Variants in ROBO1 observed in about 807,000 individuals in gnomAD.
ROBO1 encodes the protein roundabout guidance receptor 1, also known as roundabout homolog 1.
A neutral mutation model predicts 195.9 loss-of-function variants in ROBO1; 149 were observed. The ratio of observed to expected loss-of-function variants is 0.76; its 90% confidence interval spans 0.67 to 0.87. The LOEUF (loss-of-function observed/expected upper bound fraction) is 0.87, where lower values mean the gene tolerates loss of function less well. Ranked by LOEUF, ROBO1 falls within the 40% of genes least tolerant of loss-of-function variation. The pLI is 0.00. For missense variants in ROBO1, 1,933 were observed against 2,068.3 expected (o/e 0.93, Z 1.27); for synonymous variants, 816 against 733.2 (o/e 1.11, Z -1.82).
rs1702893281 is a variant in ROBO1 at position 78,597,498 on chromosome 3, T to TG, written c.*1414dup. The TG allele has an allele frequency of 6.6e-6, 1 of 152,544 alleles. No individual in the cohort carries two copies. Among genetic ancestry groups the TG allele is most frequent in the Non-Finnish European group, 1.5e-5 (1 of 68,002 alleles). The allele number at this position is 152,544 out of a possible 1,614,324, so 9.4% of individuals were successfully genotyped here. Reference sequence around the variant, plus strand: ...AGTTTTGTTTGGCTTTGTTTTCCACTGGGGTCAGACCTGATACTTATCTAT... The same window carrying TG: ...AGTTTTGTTTGGCTTTGTTTTCCACTGGGGGTCAGACCTGATACTTATCTAT... On this transcript the variant is annotated 3_prime_UTR_variant, in exon 31 of 31. Coordinates refer to ENST00000464233, the MANE Select transcript of ROBO1 (RefSeq NM_002941.4).
chr3:79,485,818 C>T (rs930044654), intron 2 of ROBO1, among the ~76,000 whole-genome samples: 6 of 152,090 alleles, frequency 3.9e-5, no homozygotes, highest in South Asian at 2.1e-4. Flanking sequence ...CCTTACTGTC[C>T]GATTCTTTAT....
chr3:79,680,451 G>A (rs75493243), intron 1 of ROBO1, among the ~76,000 whole-genome samples: 1 of 152,050 alleles, frequency 6.6e-6, no homozygotes, highest in Non-Finnish European at 1.5e-5. Flanking sequence ...GAGTGAAGAA[G>A]TGGTATGAGT....
chr3:78,943,028 C>T (rs771702187), intron 3 of ROBO1, among the ~76,000 whole-genome samples: 10 of 151,914 alleles, frequency 6.6e-5, no homozygotes, highest in Non-Finnish European at 1.3e-4. Flanking sequence ...TCCTGGTTAA[C>T]ATGGTGAAAC....
At chr3:78,613,830 A>C (rs1703953281) in intron 28 of ROBO1, among the ~76,000 whole-genome samples, 1 of 152,188 alleles carries the variant, frequency 6.6e-6, no homozygotes, top group Non-Finnish European at 1.5e-5. Flanking sequence ...GCTGACTGGT[A>C]ATGAAAGTCC....
chr3:79,539,575 T>C (rs1328596484), intron 2 of ROBO1, among the ~76,000 whole-genome samples: 1 of 152,126 alleles, frequency 6.6e-6, no homozygotes, highest in African/African-American at 2.4e-5. Flanking sequence ...TTTAATATTA[T>C]AGTACTAGTA....
At chr3:79,370,073 C>T (rs2036133605) in intron 2 of ROBO1, among the ~76,000 whole-genome samples, 1 of 151,980 alleles carries the variant, frequency 6.6e-6, no homozygotes, top group African/African-American at 2.4e-5. Flanking sequence ...GTTTAATAGT[C>T]TCTTTGGGCA....
chr3:79,355,006 G>C (rs1175518835), intron 2 of ROBO1, among the ~76,000 whole-genome samples: 1 of 151,828 alleles, frequency 6.6e-6, no homozygotes, highest in African/African-American at 2.4e-5. Flanking sequence ...CGTCTACTAA[G>C]GATACAAAAA....
At chr3:79,764,640 A>G (rs1473524340) in intron 1 of ROBO1, among the ~76,000 whole-genome samples, 1 of 152,230 alleles carries the variant, frequency 6.6e-6, no homozygotes, top group Non-Finnish European at 1.5e-5. Flanking sequence ...ATCTTGCTTA[A>G]ATAAAAGTAG....
At chr3:79,520,974 T>A (rs566736890) in intron 2 of ROBO1, among the ~76,000 whole-genome samples, 1 of 152,330 alleles carries the variant, frequency 6.6e-6, no homozygotes, top group South Asian at 2.1e-4. Flanking sequence ...TGAAATTATC[T>A]AGACCACAAC....
At chr3:79,656,686 G>A (rs1188434301) in intron 1 of ROBO1, among the ~76,000 whole-genome samples, 1 of 151,844 alleles carries the variant, frequency 6.6e-6, no homozygotes, top group Non-Finnish European at 1.5e-5. Flanking sequence ...CTTGAACCCA[G>A]GAGTTTGAGA....
intron 8 of ROBO1, among the ~76,000 whole-genome samples, chr3:78,703,708 CCATA>C (rs2081476461): frequency 6.6e-6 from 1 of 151,732 alleles, no homozygotes; most frequent in South Asian, 2.1e-4. Flanking sequence ...TTAAGAGTAT[CCATA>C]CATACAAGCA....
rs2039174932 is a variant in ROBO1, at chr3:79,444,600, C to A, written c.88+145224G>T. 4.6e-5 allele frequency among the ~76,000 whole-genome samples: 7 copies of A among 152,178 alleles called. No homozygotes were observed. In the South Asian group the frequency reaches 1.5e-3, roughly 32 times the overall value. On this transcript the variant is annotated intron_variant, in intron 2 of 30. Coordinates refer to ENST00000464233, the MANE Select transcript of ROBO1 (RefSeq NM_002941.4). The stretch of plus-strand genomic sequence containing the variant: ...TGTCCTACAACCAAGCAATTCAACT[C>A]CTAGATTTCTATCCTGAAGAGTCTC...
chr3:79,071,100 A>C (rs1026661889), intron 3 of ROBO1, among the ~76,000 whole-genome samples: 2 of 151,730 alleles, frequency 1.3e-5, no homozygotes, highest in East Asian at 1.9e-4. Flanking sequence ...TCTCTCAGCA[A>C]TTTTCATGTG....
chr3:79,665,278 A>G (rs972177859), intron 1 of ROBO1, among the ~76,000 whole-genome samples: 2 of 151,944 alleles, frequency 1.3e-5, no homozygotes, highest in Non-Finnish European at 2.9e-5. Flanking sequence ...ATATACTGTT[A>G]TAGAGTCTAC....
intron 2 of ROBO1, among the ~76,000 whole-genome samples, chr3:79,230,025 C>T (rs2082292933): frequency 6.6e-6 from 1 of 152,048 alleles, no homozygotes; most frequent in Non-Finnish European, 1.5e-5. Flanking sequence ...AGAAACTAAC[C>T]TTAATTTGCA....
intron 4 of ROBO1, among the ~76,000 whole-genome samples, chr3:78,829,858 A>G (rs564577783): frequency 1.0e-3 from 157 of 152,314 alleles, no homozygotes; most frequent in African/African-American, 3.7e-3. Context: ...ATGGAAATCT[A>G]GAAATATTTG....
intron 2 of ROBO1, among the ~76,000 whole-genome samples, chr3:79,333,355 C>T (rs574500424): frequency 2.6e-5 from 4 of 152,190 alleles, no homozygotes; most frequent in African/African-American, 9.6e-5. Flanking sequence ...CACACATATC[C>T]TTATCAATTA....
In ROBO1 at chr3:79,321,976, A is replaced by G. The variant is rs77729447; in HGVS notation, c.89-196437T>C. Among the ~76,000 whole-genome samples the G allele has an allele frequency of 2.4e-3, 364 of 152,330 alleles. 4 individuals carry two copies. Among genetic ancestry groups the G allele is most frequent in the African/African-American group, 8.5e-3 (353 of 41,592 alleles). On this transcript the variant is annotated intron_variant, in intron 2 of 30. Coordinates refer to ENST00000464233, the MANE Select transcript of ROBO1 (RefSeq NM_002941.4). ...CTAAATCTAGAATTTCTGATTCAGC[A>G]TAATTGGCTCTGGAAATCAAGCACT...
chr3:78,609,060 A>G (rs1006223292), intron 28 of ROBO1, among the ~76,000 whole-genome samples: 1 of 152,224 alleles, frequency 6.6e-6, no homozygotes, highest in East Asian at 1.9e-4. Context: ...CAGCATAGCT[A>G]TGTTTTTAAG....
Sources: allele counts gnomAD v4.1 joint callset (sites outside exome capture counted in the v4.1 genomes callset), GRCh38; gene constraint gnomAD v4.1.1; transcripts MANE v1.5; gene names NCBI Gene and HGNC (gene_info 2026-07-23, HGNC 2026-07-21).